The following NFIX variants were observed in gnomAD, a reference collection of about 807,000 sequenced individuals.
The protein encoded by NFIX is nuclear factor 1 X-type.
A neutral mutation model predicts 53.3 loss-of-function variants in NFIX; 2 were observed. The ratio of observed to expected loss-of-function variants is 0.04; its 90% confidence interval spans 0.02 to 0.12. NFIX has a LOEUF of 0.12. Among genes scored for constraint, NFIX ranks in the 10% least tolerant of loss-of-function variants. NFIX has a pLI of 1.00. For missense variants in NFIX, 310 were observed against 674.5 expected (o/e 0.46, Z 5.99); for synonymous variants, 244 against 289.0 (o/e 0.84, Z 1.58).
In NFIX at chr19:13,066,330, G is replaced by T. The variant is rs141513634; in HGVS notation, c.560-6717G>T. Reference sequence around the variant, plus strand: ...CCATCCAGATGCTGGCCCTTCATCTGCCAGGTTCCTGTGCCTTCCCTACCC... The same window carrying T: ...CCATCCAGATGCTGGCCCTTCATCTTCCAGGTTCCTGTGCCTTCCCTACCC... On this transcript the variant is annotated intron_variant, in intron 2 of 10. Transcript: ENST00000592199. This position sits in a 1 kb window ranked among gnomAD's most constrained non-coding sequence, Gnocchi z 4.2. Among the ~76,000 whole-genome samples, 40 of 152,206 alleles carry T rather than the reference G, an allele frequency of 2.6e-4. No individual in the cohort carries two copies. In the East Asian group the frequency reaches 7.5e-3, roughly 29 times the overall value.
rs76043171 is a variant in NFIX at position 13,002,917 on chromosome 19, G to C, written c.27+7053G>C. On this transcript the variant is annotated intron_variant, in intron 1 of 10. Coordinates refer to ENST00000592199, the MANE Select transcript of NFIX (RefSeq NM_001365902.3). This position sits in a 1 kb window ranked among gnomAD's most constrained non-coding sequence, Gnocchi z 6.1. ...AGCCTTCCTGGCACAGATCGGGCAA[G>C]AGCGGGGATCTGTCTGTCCCCACCT... Among the ~76,000 whole-genome samples the C allele has an allele frequency of 3.0e-3, 455 of 152,298 alleles. 4 individuals are homozygous for C. Among genetic ancestry groups the C allele is most frequent in the African/African-American group, 0.01 (436 of 41,566 alleles).
rs571295184 is a variant in NFIX at position 12,999,610 on chromosome 19, C to T, written c.27+3746C>T. Among the ~76,000 whole-genome samples, 56 of 152,330 alleles carry T rather than the reference C, an allele frequency of 3.7e-4. 1 individual carries two copies. Among genetic ancestry groups the T allele is most frequent in the Admixed American group, 3.2e-3 (49 of 15,302 alleles). Reference sequence around the variant, plus strand: ...TGACACACACAAAGACATACATGGCCGCACACACGGATACACCCGCTCTCA... The same window carrying T: ...TGACACACACAAAGACATACATGGCTGCACACACGGATACACCCGCTCTCA... On this transcript the variant is annotated intron_variant, in intron 1 of 10. Coordinates refer to ENST00000592199, the MANE Select transcript of NFIX (RefSeq NM_001365902.3).
rs1235608293 is a variant in NFIX, at chr19:13,096,504, C to G, written c.*1855C>G. The G allele has an allele frequency of 6.6e-6, 1 of 152,110 alleles. No individual in the cohort carries two copies. Among genetic ancestry groups the G allele is most frequent in the Admixed American group, 6.5e-5 (1 of 15,282 alleles). 9.4% of individuals were successfully genotyped at this position (152,110 alleles called of 1,614,324 possible). On this transcript the variant is annotated 3_prime_UTR_variant, in exon 11 of 11. Transcript: ENST00000592199. ...TTGTTGGAAGTTGAGTGAAGCCCTC[C>G]CCCTGTCCTCAGCGTGCAGCCCTAG...
At position 13,088,855 on chromosome 19, in the gene NFIX, T is replaced by TA. The variant is rs1226974436; in HGVS notation, c.1402+719_1402+720insA. On this transcript the variant is annotated intron_variant, in intron 9 of 10. Transcript: ENST00000592199. This position sits in a 1 kb window ranked among gnomAD's most constrained non-coding sequence, Gnocchi z 5.9. Reference sequence around the variant, plus strand: ...TCTCTCTTTCTTTTCTTTTCTTTTCTTTTTTTTTCCTCTTAAACCAATGAC... The same window carrying TA: ...TCTCTCTTTCTTTTCTTTTCTTTTCTATTTTTTTTCCTCTTAAACCAATGAC... Among the ~76,000 whole-genome samples the TA allele has an allele frequency of 9.2e-5, 14 of 151,604 alleles. No individual in the cohort carries two copies. The highest frequency in any genetic ancestry group is 1.6e-4 in the Non-Finnish European group (11 of 67,866).
In NFIX at chr19:13,009,408, G is replaced by A. The variant is rs941714744; in HGVS notation, c.27+13544G>A. On this transcript the variant is annotated intron_variant, in intron 1 of 10. Transcript: ENST00000592199. The surrounding 1 kb of genome is among the most constrained non-coding windows in gnomAD (Gnocchi z 4.7). ...TTTTACAGATGAGGAAACAGAGGCC[G>A]CAAGGTCAAGTGCCAAGGTCATGGG... Among the ~76,000 whole-genome samples, 8 of 152,192 alleles carry A rather than the reference G, an allele frequency of 5.3e-5. No homozygotes were observed. Among genetic ancestry groups the A allele is most frequent in the South Asian group, 2.1e-4 (1 of 4,830 alleles).
In NFIX at chr19:13,045,035, C is replaced by T. The variant is rs112386217; in HGVS notation, c.559+19483C>T. On this transcript the variant is annotated intron_variant, in intron 2 of 10. Transcript: ENST00000592199. This position sits in a 1 kb window ranked among gnomAD's most constrained non-coding sequence, Gnocchi z 4.4. Reference sequence around the variant, plus strand: ...GCAGTACTGAGGATGGTGAGAACAGCGGTGGCCCGCCGGCAGCTCAGATAC... The same window carrying T: ...GCAGTACTGAGGATGGTGAGAACAGTGGTGGCCCGCCGGCAGCTCAGATAC... 5.1e-3 allele frequency among the ~76,000 whole-genome samples: 772 copies of T among 152,270 alleles called. 5 individuals are homozygous for T. Among genetic ancestry groups the T allele is most frequent in the African/African-American group, 0.014 (576 of 41,532 alleles).
At chr19:13,046,559 C>T (rs2015001653) in intron 2 of NFIX, among the ~76,000 whole-genome samples, 2 of 151,932 alleles carry the variant, frequency 1.3e-5, no homozygotes, top group Non-Finnish European at 2.9e-5. Context: ...TTTCCCGTTC[C>T]TGGGGCTTTT....
rs764371323 is a variant in NFIX at position 12,998,713 on chromosome 19, C to G, written c.27+2849C>G. Among the ~76,000 whole-genome samples, 1 of 152,116 alleles carries G rather than the reference C, an allele frequency of 6.6e-6. No individual in the cohort carries two copies. Among genetic ancestry groups the G allele is most frequent in the Non-Finnish European group, 1.5e-5 (1 of 68,020 alleles). On this transcript the variant is annotated intron_variant, in intron 1 of 10. Transcript: ENST00000592199. This position sits in a 1 kb window ranked among gnomAD's most constrained non-coding sequence, Gnocchi z 4.4. ...GTAAGTGTCCTGTTCACACCGATGT[C>G]CAGACCCACGACCATCGACGAGCCT...
At chr19:13,080,018 C>T (rs1044050137) in intron 7 of NFIX, among the ~76,000 whole-genome samples, 2 of 152,234 alleles carry the variant, frequency 1.3e-5, no homozygotes, top group Admixed American at 6.5e-5. Context: ...TGAGCAGATG[C>T]TGGCTTTGTC....
At chr19:13,087,446 G>A (rs2145499916) in intron 8 of NFIX, among the ~76,000 whole-genome samples, 1 of 152,266 alleles carries the variant, frequency 6.6e-6, no homozygotes, top group Admixed American at 6.5e-5. Flanking sequence ...TGCTGGAGCC[G>A]AGGACGAGCT....
In NFIX at chr19:13,043,793, T is replaced by C. The variant is rs367587444; in HGVS notation, c.559+18241T>C. On this transcript the variant is annotated intron_variant, in intron 2 of 10. Coordinates refer to ENST00000592199, the MANE Select transcript of NFIX (RefSeq NM_001365902.3). The surrounding 1 kb of genome is among the most constrained non-coding windows in gnomAD (Gnocchi z 4.0). Reference sequence around the variant, plus strand: ...GGTCCCCACTGCCATGGCACTCTTATCTGTGTGCCTGAATATGCATGCTTA... The same window carrying C: ...GGTCCCCACTGCCATGGCACTCTTACCTGTGTGCCTGAATATGCATGCTTA... 5.9e-5 allele frequency among the ~76,000 whole-genome samples: 9 copies of C among 152,244 alleles called. No individual in the cohort carries two copies. In the East Asian group the frequency reaches 1.4e-3, roughly 23 times the overall value.
intron 2 of NFIX, among the ~76,000 whole-genome samples, chr19:13,030,689 G>T (rs2013734574): frequency 6.6e-6 from 1 of 152,140 alleles, no homozygotes; most frequent in East Asian, 1.9e-4. Flanking sequence ...GTTTGTTTTG[G>T]TCCCTCTGAT....
intron 2 of NFIX, among the ~76,000 whole-genome samples, chr19:13,058,426 G>C (rs1192560169): frequency 6.6e-6 from 1 of 152,008 alleles, no homozygotes; most frequent in Non-Finnish European, 1.5e-5. Context: ...AGACCAGAGG[G>C]TCGCTTGAGC....
At position 12,996,695 on chromosome 19, in the gene NFIX, C is replaced by A. The variant is rs898559264; in HGVS notation, c.27+831C>A. Among the ~76,000 whole-genome samples the A allele has an allele frequency of 6.6e-6, 1 of 152,202 alleles. No homozygotes were observed. The highest frequency in any genetic ancestry group is 1.5e-5 in the Non-Finnish European group (1 of 68,018). On this transcript the variant is annotated intron_variant, in intron 1 of 10. Transcript: ENST00000592199. This position sits in a 1 kb window ranked among gnomAD's most constrained non-coding sequence, Gnocchi z 5.2. ...GGCCTGGGGAATCCCGTCCCGTCGCCTGGAGGCGGGAGGGGCGGGAGGCAG... is the reference window on the plus strand; with the variant it reads ...GGCCTGGGGAATCCCGTCCCGTCGCATGGAGGCGGGAGGGGCGGGAGGCAG...
chr19:13,055,930 G>A (rs1038594709), intron 2 of NFIX, among the ~76,000 whole-genome samples: 8 of 152,176 alleles, frequency 5.3e-5, no homozygotes, highest in African/African-American at 1.7e-4. Context: ...CCCCACGGAG[G>A]TGACCCCCCA....
chr19:13,087,451 C>T (rs1178087703), intron 8 of NFIX, among the ~76,000 whole-genome samples: 1 of 152,116 alleles, frequency 6.6e-6, no homozygotes, highest in Admixed American at 6.5e-5. Flanking sequence ...GAGCCGAGGA[C>T]GAGCTCCCCA....
intron 2 of NFIX, among the ~76,000 whole-genome samples, chr19:13,029,087 A>G (rs2013597257): frequency 6.6e-6 from 1 of 152,180 alleles, no homozygotes; most frequent in African/African-American, 2.4e-5. Context: ...AAACTCTTTA[A>G]TGATGGAGAG....
chr19:13,074,346 G>C (rs891431985), intron 5 of NFIX, among the ~76,000 whole-genome samples: 7 of 152,160 alleles, frequency 4.6e-5, no homozygotes, highest in Non-Finnish European at 4.4e-5. Flanking sequence ...TTGTTGGGGG[G>C]TATGGGGAAA....
rs771146011 is a variant in NFIX, at chr19:13,073,890, C to T, written c.698-16C>T. 1.2e-6 allele frequency: 2 copies of T among 1,613,954 alleles called. No individual in the cohort carries two copies. The highest frequency in any genetic ancestry group is 1.7e-6 in the Non-Finnish European group (2 of 1,179,878). ...CCCCCCACCTCCAAACCTCATCACC[C>T]TCTCGTTCTTCCCAGCTCCTGTTGC... On this transcript the variant is annotated splice_polypyrimidine_tract_variant and intron_variant, in intron 4 of 10. Transcript: ENST00000592199. The surrounding 1 kb of genome is among the most constrained non-coding windows in gnomAD (Gnocchi z 4.5).
Sources: gnomAD v4.1 joint callset for allele counts (sites outside exome capture counted in the v4.1 genomes callset) on GRCh38, gnomAD v4.1.1 for gene constraint, Gnocchi (gnomAD v3.1) non-coding constraint, MANE v1.5 for transcripts, NCBI Gene and HGNC (gene_info 2026-07-23, HGNC 2026-07-21) for gene names.